DCAF1: variants seen among roughly 807,000 people sequenced by gnomAD.
The protein encoded by DCAF1 is DDB1 and CUL4 associated factor 1.
A neutral mutation model predicts 128.0 loss-of-function variants in DCAF1; 15 were observed. The ratio of observed to expected loss-of-function variants is 0.12; its 90% CI spans 0.08 to 0.18. The LOEUF (loss-of-function observed/expected upper bound fraction) is 0.18, where lower values mean the gene tolerates loss of function less well. DCAF1 is among the 10% of genes least tolerant of loss of function. The pLI is 1.00. For missense variants in DCAF1, 988 were observed against 1,649.5 expected, an observed-to-expected ratio of 0.60 and a Z score of 6.95; for synonymous variants, 610 against 603.0, an observed-to-expected ratio of 1.01 and a Z score of -0.17.
chr3:51,427,726 A>G (rs1700024345), intron 12 of DCAF1, among the ~76,000 whole-genome samples, 185 bp from the exon 13 acceptor site: 1 of 152,150 alleles, frequency 6.6e-6, no homozygotes. Context: ...TCAATCTCCC[A>G]GGCTCAAGCT....
intron 2 of DCAF1, among the ~76,000 whole-genome samples, chr3:51,496,209 A>G (rs1708220057): frequency 6.6e-6 from 1 of 152,018 alleles, no homozygotes; most frequent in East Asian, 1.9e-4. Context: ...GGCAGATCAC[A>G]AGGTCAGGAG....
chr3:51,411,016 C>T (rs1009458521), intron 23 of DCAF1, among the ~76,000 whole-genome samples: 2 of 152,108 alleles, frequency 1.3e-5, no homozygotes, highest in African/African-American at 2.4e-5. Context: ...CAAAAATTAG[C>T]TGGGCATAGT....
At chr3:51,423,546 A>G (rs1699622169) in intron 13 of DCAF1, among the ~76,000 whole-genome samples, 1 of 151,462 alleles carries the variant, frequency 6.6e-6, no homozygotes, top group African/African-American at 2.4e-5. Context: ...GGCCGGGTGC[A>G]GTGGCTCACG....
At chr3:51,414,154 A>G in intron 19 of DCAF1, 111 bp from the exon 20 acceptor site, 1 of 1,366,046 alleles carries the variant, frequency 7.3e-7, no homozygotes. Flanking sequence ...TGATACTTTA[A>G]AAGTCAATGA....
At chr3:51,454,914 C>G (rs974725774) in intron 6 of DCAF1, among the ~76,000 whole-genome samples, 2 of 152,162 alleles carry the variant, frequency 1.3e-5, no homozygotes, top group Middle Eastern at 3.2e-3. Flanking sequence ...ACCTCGTGAT[C>G]TGCCCACCTC....
chr3:51,454,510 C>T (rs1376999906), intron 6 of DCAF1, among the ~76,000 whole-genome samples: 1 of 152,110 alleles, frequency 6.6e-6, no homozygotes, highest in African/African-American at 2.4e-5. Flanking sequence ...TACAGTCACA[C>T]ACCACCACAC....
intron 2 of DCAF1, among the ~76,000 whole-genome samples, chr3:51,487,235 G>A (rs964083144): frequency 6.6e-6 from 1 of 152,258 alleles, no homozygotes; most frequent in East Asian, 1.9e-4. Context: ...TTCCTAAAGT[G>A]CTGGGATTAC....
At chr3:51,440,762 C>T (rs1021793032) in intron 9 of DCAF1, among the ~76,000 whole-genome samples, 1 of 151,952 alleles carries the variant, frequency 6.6e-6, no homozygotes, top group Non-Finnish European at 1.5e-5. Context: ...AAAAATCAGC[C>T]ATGCACGGTA....
At chr3:51,475,432 C>A (rs1483713773) in intron 3 of DCAF1, among the ~76,000 whole-genome samples, 2 of 151,850 alleles carry the variant, frequency 1.3e-5, no homozygotes, top group East Asian at 3.9e-4. Flanking sequence ...TGAAATCCCC[C>A]CCATCTCTAC....
At chr3:51,446,736 G>C (rs1177999124) in intron 6 of DCAF1, among the ~76,000 whole-genome samples, 1 of 151,968 alleles carries the variant, frequency 6.6e-6, no homozygotes, top group Non-Finnish European at 1.5e-5. Context: ...AAGGAGGGTG[G>C]ATCACCTTGA....
intron 9 of DCAF1, chr3:51,437,378 A>AC (rs1240278972): frequency 1 from 516,702 of 516,704 alleles, 258,350 homozygotes; most frequent in Middle Eastern, 1. Flanking sequence ...GGCAAGTAAG[A>AC]TAAGCAAGAT....
At chr3:51,453,111 A>G (rs898621038) in intron 6 of DCAF1, among the ~76,000 whole-genome samples, 6 of 152,132 alleles carry the variant, frequency 3.9e-5, no homozygotes, top group African/African-American at 1.4e-4. Context: ...AAAATAATCC[A>G]TATTAAAAAT....
intron 3 of DCAF1, among the ~76,000 whole-genome samples, chr3:51,483,431 C>T (rs1475698711): frequency 6.7e-6 from 1 of 150,366 alleles, no homozygotes; most frequent in Non-Finnish European, 1.5e-5. Flanking sequence ...CAAAGCAAAA[C>T]TCTGACTCAA....
chr3:51,452,902 C>T (rs914396427), intron 6 of DCAF1, among the ~76,000 whole-genome samples: 1 of 151,748 alleles, frequency 6.6e-6, no homozygotes, highest in Non-Finnish European at 1.5e-5. Context: ...GTAATCCCAG[C>T]TACTCAGGAA....
intron 2 of DCAF1, among the ~76,000 whole-genome samples, chr3:51,493,563 A>G (rs536225813): frequency 1.3e-5 from 2 of 152,328 alleles, no homozygotes; most frequent in Non-Finnish European, 2.9e-5. Flanking sequence ...TGAAGAGATA[A>G]ACAAAATGTG....
intron 20 of DCAF1, 59 bp from the exon 21 acceptor site, chr3:51,413,445 A>G: frequency 6.4e-7 from 1 of 1,558,088 alleles, no homozygotes; most frequent in Non-Finnish European, 8.7e-7. Flanking sequence ...CCTCTTCACA[A>G]GTGCAGAAAA....
chr3:51,476,949 G>A (rs879992133), intron 3 of DCAF1, among the ~76,000 whole-genome samples: 4 of 151,604 alleles, frequency 2.6e-5, no homozygotes, highest in African/African-American at 4.8e-5. Context: ...AGCCGGGCTT[G>A]GTGGTGGGCA....
chr3:51,466,482 A>G (rs782179669), intron 5 of DCAF1, among the ~76,000 whole-genome samples: 18 of 152,126 alleles, frequency 1.2e-4, no homozygotes, highest in Non-Finnish European at 2.4e-4. Flanking sequence ...TACATGCCCA[A>G]TGCATACCCC....
At chr3:51,502,806 C>T (rs1405213015), upstream of DCAF1, among the ~76,000 whole-genome samples, 1 of 152,088 alleles carries the variant, frequency 6.6e-6, no homozygotes, top group Non-Finnish European at 1.5e-5. Context: ...AGCCACACAC[C>T]TGCAGACACC....
Sources: gnomAD v4.1 joint callset for allele counts (sites outside exome capture counted in the v4.1 genomes callset) on GRCh38, gnomAD v4.1.1 for gene constraint, MANE v1.5 for transcripts, NCBI Gene and HGNC (gene_info 2026-07-23, HGNC 2026-07-21) for gene names.